MZT2B: variants seen among roughly 807,000 people sequenced by gnomAD.
The protein encoded by MZT2B is mitotic-spindle organizing protein 2B.
MZT2B carries 11 observed loss-of-function variants against 12.1 expected under a neutral mutation model. The observed-to-expected ratio is 0.91, with a 90% confidence interval of 0.57 to 1.50. The LOEUF is 1.50. Ranked by LOEUF, MZT2B falls within the 40% of genes most tolerant of loss-of-function variation. The pLI, the probability that MZT2B is intolerant of heterozygous loss-of-function variation, is 0.00. For missense variants in MZT2B, 209 were observed against 227.7 expected (o/e 0.92, Z 0.53); for synonymous variants, 85 against 109.5 (o/e 0.78, Z 1.40).
Position 130,190,434 on chromosome 2 carries a change from C to T in MZT2B, c.320-35C>T, listed in dbSNP as rs762774574. 5.6e-6 allele frequency: 9 copies of T among 1,607,614 alleles called. No homozygotes were observed. In the African/African-American group the frequency reaches 1.1e-4, roughly 19 times the overall value. ...GCAGGTGCTGCAGTTACGGGGCACG[C>T]CCATTCCTAATCATTGTGCTTTGTG... On this transcript the variant is annotated intron_variant, in intron 2 of 2. Transcript: ENST00000281871.
At chr2:130,192,192 T>G, downstream of MZT2B, 1 of 1,543,758 alleles carries the variant, frequency 6.5e-7, no homozygotes, top group South Asian at 1.3e-5. Context: ...GGTAGCTACT[T>G]CTCCTCAAAC....
In MZT2B at chr2:130,190,479, A is replaced by G. The variant is rs752704287; in HGVS notation, c.330A>G (p.Lys110=). ...TTTGTGTCTCCTCAGGGAGAAACAA[A>G]GGCAGCGCTGCCCTCGGGGGAGCAT... ...SSVPETRGRN[K]GSAALGGALA... Residue 110 remains lysine (K), a synonymous_variant, in exon 3 of 3, where the codon AAA becomes AAG. Coordinates refer to ENST00000281871, the MANE Select transcript of MZT2B (RefSeq NM_025029.5). 3.1e-6 allele frequency: 5 copies of G among 1,613,422 alleles called. No homozygotes were observed. The highest frequency in any genetic ancestry group is 3.3e-5 in the Admixed American group (2 of 60,000).
At chr2:130,193,037 G>A (rs1690305141), downstream of MZT2B, among the ~76,000 whole-genome samples, 1 of 150,620 alleles carries the variant, frequency 6.6e-6, no homozygotes, top group Admixed American at 6.6e-5. Flanking sequence ...AGGTTGCAGT[G>A]AGTCAAGATC....
chr2:130,196,205 C>G, the MZT2B span: 2 of 1,613,994 alleles, frequency 1.2e-6, no homozygotes, highest in Admixed American at 1.7e-5. Context: ...CTTGCCAGCT[C>G]CAGTCTCACT....
Position 130,190,466 on chromosome 2 carries a change from C to T in MZT2B, c.320-3C>T. On this transcript the variant is annotated splice_polypyrimidine_tract_variant and splice_region_variant and intron_variant, in intron 2 of 2. Coordinates refer to ENST00000281871, the MANE Select transcript of MZT2B (RefSeq NM_025029.5). Reference sequence around the variant, plus strand: ...CTAATCATTGTGCTTTGTGTCTCCTCAGGGAGAAACAAAGGCAGCGCTGCC... The same window carrying T: ...CTAATCATTGTGCTTTGTGTCTCCTTAGGGAGAAACAAAGGCAGCGCTGCC... The T allele has an allele frequency of 5.6e-6, 9 of 1,613,280 alleles. No individual in the cohort carries two copies. The highest frequency in any genetic ancestry group is 7.6e-6 in the Non-Finnish European group (9 of 1,179,576).
the MZT2B span, among the ~76,000 whole-genome samples, chr2:130,202,815 C>A: frequency 6.6e-6 from 1 of 152,154 alleles, no homozygotes; most frequent in Non-Finnish European, 1.5e-5. Context: ...TGCAGTGACA[C>A]GCTGCGCCTG....
At chr2:130,193,140 A>G (rs1438754803), downstream of MZT2B, among the ~76,000 whole-genome samples, 5 of 151,590 alleles carry the variant, frequency 3.3e-5, no homozygotes, top group Admixed American at 2.0e-4. Context: ...CTGTGTTCCC[A>G]GCTACTTGGG....
intron 2 of MZT2B, chr2:130,183,851 G>T: frequency 1.3e-6 from 2 of 1,550,588 alleles, no homozygotes; most frequent in Non-Finnish European, 1.7e-6. Context: ...CCTCCAGCCC[G>T]CAGCCTGCGG....
At position 130,185,562 on chromosome 2, in the gene MZT2B, G is replaced by A. The variant is rs562668132; in HGVS notation, c.319+2787G>A. 3.4e-5 allele frequency among the ~76,000 whole-genome samples: 4 copies of A among 116,792 alleles called. 1 individual carries two copies. Among genetic ancestry groups the A allele is most frequent in the Non-Finnish European group, 3.7e-5 (2 of 54,374 alleles). 76.6% of individuals were successfully genotyped at this position (116,792 alleles called of 152,430 possible). On this transcript the variant is annotated intron_variant, in intron 2 of 2. Transcript: ENST00000281871. ...CCAGAGAGCAGCAAGGGTTACACAG[G>A]GGGGTAACAAGGGTTACAGCAGGAG...
downstream of MZT2B, chr2:130,194,380 C>T: frequency 6.2e-7 from 1 of 1,613,250 alleles, no homozygotes; most frequent in Non-Finnish European, 8.5e-7. Flanking sequence ...AGAGCCGCTC[C>T]ATGAGCAGAG....
upstream of MZT2B, chr2:130,181,811 A>T: frequency 1.3e-6 from 2 of 1,545,314 alleles, no homozygotes; most frequent in Non-Finnish European, 1.7e-6. Flanking sequence ...CTTTCTCCCC[A>T]GCAAGGAATC....
At chr2:130,187,176 ATTTTC>A in intron 2 of MZT2B, among the ~76,000 whole-genome samples, 1 of 151,590 alleles carries the variant, frequency 6.6e-6, no homozygotes, top group Admixed American at 6.6e-5. Context: ...CTAATTCTGC[ATTTTC>A]TTTTACTTTT....
chr2:130,187,768 C>T (rs1690115450), intron 2 of MZT2B, among the ~76,000 whole-genome samples: 1 of 152,202 alleles, frequency 6.6e-6, no homozygotes, highest in African/African-American at 2.4e-5. Context: ...CAGGGCTCCC[C>T]ACTAACCCTG....
chr2:130,197,544 A>G, the MZT2B span, among the ~76,000 whole-genome samples: 9 of 126,298 alleles, frequency 7.1e-5, 1 homozygote, highest in African/African-American at 1.6e-4. Flanking sequence ...AAGGAAAAAA[A>G]GGATAACTGA....
the MZT2B span, among the ~76,000 whole-genome samples, chr2:130,198,114 G>C: frequency 1.6e-5 from 2 of 122,654 alleles, 1 homozygote; most frequent in Non-Finnish European, 3.6e-5. Context: ...TCTGGGGGAC[G>C]GGATACCGTC....
chr2:130,188,676 CA>C lies in MZT2B; in HGVS notation c.320-1790del, dbSNP rs534386843. Among the ~76,000 whole-genome samples the C allele has an allele frequency of 2.2e-4, 34 of 152,238 alleles. 2 individuals are homozygous for C. The South Asian group carries it at 6.2e-3, about 28-fold the overall frequency. ...CTCACCACCACCAGGCAAGAATGAG[CA>C]AAGATCTCATTCTCTGAGGAAGAAC... On this transcript the variant is annotated intron_variant, in intron 2 of 2. Coordinates refer to ENST00000281871, the MANE Select transcript of MZT2B (RefSeq NM_025029.5).
chr2:130,181,958 A>G, upstream of MZT2B: 1 of 1,382,972 alleles, frequency 7.2e-7, no homozygotes, highest in East Asian at 3.4e-5. Flanking sequence ...CCGAGCGCCC[A>G]ATGTATGCCT....
intron 2 of MZT2B, chr2:130,183,230 T>G (rs548731502): frequency 3.6e-6 from 1 of 276,072 alleles, no homozygotes; most frequent in African/African-American, 2.3e-5. Flanking sequence ...TCGATCTCTG[T>G]CCTGTGGTAT....
chr2:130,196,432 A>T, the MZT2B span: 1 of 1,570,326 alleles, frequency 6.4e-7, no homozygotes, highest in African/African-American at 1.4e-5. Flanking sequence ...ACTATATGGC[A>T]TGCAAAATAT....
Sources: allele counts gnomAD v4.1 joint callset (sites outside exome capture counted in the v4.1 genomes callset), GRCh38; gene constraint gnomAD v4.1.1; transcripts MANE v1.5; gene names NCBI Gene and HGNC (gene_info 2026-07-23, HGNC 2026-07-21).